CBLIF: variants seen among roughly 807,000 people sequenced by gnomAD.
CBLIF encodes cobalamin binding intrinsic factor, also known as gastric intrinsic factor (vitamin B synthesis).
A neutral mutation model predicts 44.9 loss-of-function variants in CBLIF; 24 were observed. That is an observed-to-expected ratio of 0.53 (90% CI 0.39 to 0.75). The LOEUF (loss-of-function observed/expected upper bound fraction) is 0.75, where lower values mean the gene tolerates loss of function less well. CBLIF is among the 30% of genes least tolerant of loss of function. The pLI is 0.00. For missense variants in CBLIF, 481 were observed against 513.0 expected (o/e 0.94, Z 0.60); for synonymous variants, 183 against 190.9 (o/e 0.96, Z 0.34).
At chr11:59,835,526 T>C (rs969129012) in intron 7 of CBLIF, among the ~76,000 whole-genome samples, 1 of 152,216 alleles carries the variant, frequency 6.6e-6, no homozygotes, top group Non-Finnish European at 1.5e-5. Context: ...TAGTACCTAT[T>C]CTTTGTGTTT....
intron 6 of CBLIF, among the ~76,000 whole-genome samples, chr11:59,836,594 T>C (rs1227497681): frequency 6.6e-6 from 1 of 152,214 alleles, no homozygotes; most frequent in Non-Finnish European, 1.5e-5. Context: ...CATTGATATA[T>C]TGCGTGCATC....
Position 59,835,808 on chromosome 11 carries a change from T to G in CBLIF, c.1073A>C (p.Lys358Thr), listed in dbSNP as rs1200743223. ...GATGAATGACATTTGTAATACTCAC[T>G]TGAACATAGGATTTTTGCGCTGTGC... Reference protein sequence around the residue: ...EEAQRKNPMFKFETTMTSWGL... With the variant: ...EEAQRKNPMFTFETTMTSWGL... Residue 358 changes from lysine (K) to threonine (T), a missense_variant and splice_region_variant, in exon 7 of 9, where the codon AAA (lysine) becomes ACA (threonine). Physicochemically the swap from Lys to Thr is moderately conservative, Grantham distance 78. Transcript: ENST00000257248. 1.9e-6 allele frequency: 3 copies of G among 1,606,310 alleles called. No individual in the cohort carries two copies. The highest frequency in any genetic ancestry group is 1.7e-6 in the Non-Finnish European group (2 of 1,172,812).
At chr11:59,844,534 A>G (rs1866582013) in intron 1 of CBLIF, among the ~76,000 whole-genome samples, 1 of 152,308 alleles carries the variant, frequency 6.6e-6, no homozygotes, top group Non-Finnish European at 1.5e-5. Flanking sequence ...TTTTGAGGAC[A>G]ATTAGTTTCT....
chr11:59,830,108 A>G (rs1269886018), intron 8 of CBLIF, among the ~76,000 whole-genome samples: 1 of 152,176 alleles, frequency 6.6e-6, no homozygotes, highest in Non-Finnish European at 1.5e-5. Context: ...CAACAGAAAG[A>G]ATGACAGTTT....
rs573667555 is a variant in CBLIF, at chr11:59,838,891, C to T, written c.694-1540G>A. On this transcript the variant is annotated intron_variant, in intron 5 of 8. Transcript: ENST00000257248. Reference sequence around the variant, plus strand: ...TGAGATGGAGTCTCGCTGTGATGCCCAGGCTGGAGTGCATTGGTGCAATCT... The same window carrying T: ...TGAGATGGAGTCTCGCTGTGATGCCTAGGCTGGAGTGCATTGGTGCAATCT... 9.4e-5 allele frequency among the ~76,000 whole-genome samples: 14 copies of T among 148,398 alleles called. No individual in the cohort carries two copies. The East Asian group carries it at 2.1e-3, about 23-fold the overall frequency.
intron 8 of CBLIF, 23 bp downstream of exon 8, chr11:59,831,655 G>A (rs372611471): frequency 3.3e-5 from 32 of 960,044 alleles, no homozygotes; most frequent in East Asian, 9.5e-5. Flanking sequence ...GGAAGATAAC[G>A]CCTATGTCTT....
chr11:59,845,343 C>T (rs1241248106), intron 1 of CBLIF, 32 bp downstream of exon 1: 1 of 1,608,736 alleles, frequency 6.2e-7, no homozygotes, highest in Admixed American at 1.7e-5. Context: ...GCAACTGCTT[C>T]CCTGACCTCC....
At chr11:59,840,341 T>C (rs1866507645) in intron 5 of CBLIF, among the ~76,000 whole-genome samples, 1 of 152,146 alleles carries the variant, frequency 6.6e-6, no homozygotes, top group Admixed American at 6.6e-5. Context: ...TTAATCCCCA[T>C]AGGACATTTT....
chr11:59,843,784 G>T, intron 2 of CBLIF, 95 bp downstream of exon 2: 1 of 896,976 alleles, frequency 1.1e-6, no homozygotes, highest in Non-Finnish European at 1.9e-6. Flanking sequence ...ACAGTCAGAG[G>T]CAGCATTGGG....
chr11:59,845,471 GT>G lies in CBLIF; in HGVS notation c.-19del. The G allele has an allele frequency of 6.5e-7, 1 of 1,539,378 alleles. No homozygotes were observed. The highest frequency in any genetic ancestry group is 9.0e-7 in the Non-Finnish European group (1 of 1,112,592). ...CAGGCCATCTCACTCTCTCGTCTAT[GT>G]CTCTCATCCACAGGTACCGCGATTT... On this transcript the variant is annotated 5_prime_UTR_variant, in exon 1 of 9. It introduces an in-frame stop codon into an upstream open reading frame of the 5' UTR. Transcript: ENST00000257248.
At position 59,836,473 on chromosome 11, in the gene CBLIF, T is replaced by C. The variant is rs1039567021; in HGVS notation, c.872-464A>G. On this transcript the variant is annotated intron_variant, in intron 6 of 8. Coordinates refer to ENST00000257248, the MANE Select transcript of CBLIF (RefSeq NM_005142.3). ...TTATGCAAGACCTCCACTTTCCAAA[T>C]GCATATTTCTGTAATGTTTGAATTT... Among the ~76,000 whole-genome samples, 22 of 152,212 alleles carry C rather than the reference T, an allele frequency of 1.4e-4. 1 individual carries two copies. Among genetic ancestry groups the C allele is most frequent in the Admixed American group, 7.2e-4 (11 of 15,282 alleles).
intron 6 of CBLIF, among the ~76,000 whole-genome samples, 158 bp from the exon 7 acceptor site, chr11:59,836,167 C>A (rs951227218): frequency 2.0e-5 from 3 of 152,176 alleles, no homozygotes; most frequent in Non-Finnish European, 4.4e-5. Flanking sequence ...CATAGAATTC[C>A]GGCAAAAACT....
chr11:59,830,382 A>G (rs191701318), intron 8 of CBLIF, among the ~76,000 whole-genome samples: 1,697 of 151,442 alleles, frequency 0.011, 17 homozygotes, highest in Middle Eastern at 0.024. Context: ...GACTACAGGC[A>G]CCCGCCACCA....
At chr11:59,831,456 TAA>T (rs1032805352) in intron 8 of CBLIF, 6 of 201,220 alleles carry the variant, frequency 3.0e-5, no homozygotes, top group African/African-American at 4.7e-5. Context: ...CCTACAGAAT[TAA>T]TCTCTTTCTC....
intron 8 of CBLIF, 199 bp downstream of exon 8, chr11:59,831,479 T>TTATATA (rs3973727): frequency 1.9e-5 from 4 of 206,956 alleles, no homozygotes; most frequent in South Asian, 1.4e-4. Context: ...TATGTAATGA[T>TTATATA]TATATATATA....
At chr11:59,839,491 T>C (rs1328128835) in intron 5 of CBLIF, among the ~76,000 whole-genome samples, 1 of 152,214 alleles carries the variant, frequency 6.6e-6, no homozygotes, top group Admixed American at 6.5e-5. Context: ...AATTCAATAT[T>C]TGTCTGAGAT....
intron 3 of CBLIF, 87 bp downstream of exon 3, chr11:59,842,941 C>T: frequency 1.2e-6 from 1 of 845,762 alleles, no homozygotes; most frequent in Non-Finnish European, 2.0e-6. Context: ...GCCTTTCTCT[C>T]CACCCCCACC....
At chr11:59,844,683 T>C (rs1180245656) in intron 1 of CBLIF, among the ~76,000 whole-genome samples, 1 of 152,214 alleles carries the variant, frequency 6.6e-6, no homozygotes, top group Non-Finnish European at 1.5e-5. Flanking sequence ...ATTTTTTTCC[T>C]TACTCTTTCA....
intron 8 of CBLIF, 81 bp downstream of exon 8, chr11:59,831,597 G>A (rs551155858): frequency 8.0e-6 from 6 of 747,534 alleles, no homozygotes; most frequent in South Asian, 5.9e-5. Flanking sequence ...GTGAATGAAT[G>A]AATAAATTAA....
Sources: allele counts gnomAD v4.1 joint callset (sites outside exome capture counted in the v4.1 genomes callset), GRCh38; gene constraint gnomAD v4.1.1; transcripts MANE v1.5; gene names NCBI Gene and HGNC (gene_info 2026-07-23, HGNC 2026-07-21).